SPAG9: variants seen among roughly 807,000 people sequenced by gnomAD.
SPAG9 encodes the protein sperm associated antigen 9.
In SPAG9, 35 loss-of-function variants were observed where a neutral mutation model predicts 166.5. That is an observed-to-expected ratio of 0.21 (90% CI 0.16 to 0.28). The LOEUF is 0.28. Ranked by LOEUF, SPAG9 falls within the 10% of genes least tolerant of loss-of-function variation. SPAG9 has a pLI of 1.00. For missense variants in SPAG9, 1,235 were observed against 1,603.3 expected (o/e 0.77, Z 3.92); for synonymous variants, 534 against 565.5 (o/e 0.94, Z 0.79).
At chr17:51,032,126 A>G (rs1431158196) in intron 5 of SPAG9, among the ~76,000 whole-genome samples, 1 of 152,204 alleles carries the variant, frequency 6.6e-6, no homozygotes, top group Non-Finnish European at 1.5e-5. Context: ...TAGTTAGATA[A>G]CACTAATGAT....
At chr17:51,116,039 C>T (rs2049278457) in intron 1 of SPAG9, among the ~76,000 whole-genome samples, 2 of 142,442 alleles carry the variant, frequency 1.4e-5, no homozygotes, top group African/African-American at 5.8e-5. Context: ...TCAGAAGTTT[C>T]TTTTTTTTTT....
At chr17:51,014,188 A>T (rs779100686) in intron 9 of SPAG9, 44 bp downstream of exon 9, 1 of 1,538,238 alleles carries the variant, frequency 6.5e-7, no homozygotes, top group South Asian at 1.2e-5. Context: ...TTAAAAAATC[A>T]ATTTTAAAAA....
chr17:51,040,459 T>A (rs911146284), intron 5 of SPAG9: 1 of 152,190 alleles, frequency 6.6e-6, no homozygotes, highest in African/African-American at 2.4e-5. Flanking sequence ...GTCAATAGAA[T>A]GATTCTGAAT....
At chr17:50,990,393 G>A in intron 20 of SPAG9, 57 bp downstream of exon 20, 3 of 1,211,852 alleles carry the variant, frequency 2.5e-6, no homozygotes, top group Non-Finnish European at 3.7e-6. Context: ...CCATAATGAG[G>A]CATCTGAGTG....
chr17:51,083,062 T>C (rs1228656394), intron 1 of SPAG9, among the ~76,000 whole-genome samples: 1 of 152,044 alleles, frequency 6.6e-6, no homozygotes, highest in East Asian at 1.9e-4. Context: ...GGCCTGAGAC[T>C]AAAGCCAATA....
At chr17:50,981,251 TTA>T (rs1230617489) in intron 25 of SPAG9, among the ~76,000 whole-genome samples, 5 of 152,142 alleles carry the variant, frequency 3.3e-5, no homozygotes, top group Non-Finnish European at 2.9e-5. Context: ...TAAATAAATT[TTA>T]TGTTTAGACT....
chr17:51,077,708 T>C (rs2048056866), intron 2 of SPAG9, among the ~76,000 whole-genome samples: 1 of 152,048 alleles, frequency 6.6e-6, no homozygotes, highest in South Asian at 2.1e-4. Flanking sequence ...TGGAGTGTAG[T>C]GGTGCAATCT....
intron 5 of SPAG9, among the ~76,000 whole-genome samples, chr17:51,035,208 A>G (rs766727083): frequency 2.6e-5 from 4 of 152,178 alleles, no homozygotes; most frequent in Non-Finnish European, 4.4e-5. Flanking sequence ...GGGAAAAAGG[A>G]TATTAGTGGA....
rs1256945705 is a variant in SPAG9 at position 50,965,827 on chromosome 17, A to AGT, written c.*443_*444dup. 1 of 162,700 alleles carries AGT rather than the reference A, an allele frequency of 6.1e-6. No homozygotes were observed. Among genetic ancestry groups the AGT allele is most frequent in the Non-Finnish European group, 1.4e-5 (1 of 73,154 alleles). 10.1% of individuals were successfully genotyped at this position (162,700 alleles called of 1,614,324 possible). On this transcript the variant is annotated 3_prime_UTR_variant, in exon 30 of 30. Transcript: ENST00000262013. ...ACATCCTGATAATCCATCTTGTATTAGTGTGTGTCAATTTTACAATACACT... is the reference window on the plus strand; with the variant it reads ...ACATCCTGATAATCCATCTTGTATTAGTGTGTGTGTCAATTTTACAATACACT...
At chr17:51,038,348 A>T (rs1358339212) in intron 5 of SPAG9, among the ~76,000 whole-genome samples, 2 of 152,224 alleles carry the variant, frequency 1.3e-5, no homozygotes, top group African/African-American at 4.8e-5. Flanking sequence ...CAAAAGCAGA[A>T]GAGAAACCAG....
Position 51,120,249 on chromosome 17 carries a change from C to T in SPAG9, c.303+105G>A, listed in dbSNP as rs976625019. The T allele has an allele frequency of 2.9e-4, 304 of 1,041,768 alleles. No individual in the cohort carries two copies. Among genetic ancestry groups the T allele is most frequent in the Non-Finnish European group, 3.9e-4 (293 of 760,048 alleles). The allele number at this position is 1,041,768 out of a possible 1,614,324, so 64.5% of individuals were successfully genotyped here. A position where few individuals can be genotyped will look rare whatever the true frequency, so the allele number is the denominator to read the frequency against. ...CAGGGGGCATCGGCCTCAGGCCCGC[C>T]CTCCAGGAGGCCCGTCGCGCCTCTA... On this transcript the variant is annotated intron_variant, in intron 1 of 29. Transcript: ENST00000262013. The surrounding 1 kb of genome is among the most constrained non-coding windows in gnomAD (Gnocchi z 4.7).
Position 50,977,196 on chromosome 17 carries a change from A to G in SPAG9, c.3435T>C (p.Phe1145=). The G allele has an allele frequency of 1.2e-6, 2 of 1,613,534 alleles. No individual in the cohort carries two copies. Among genetic ancestry groups the G allele is most frequent in the Non-Finnish European group, 1.7e-6 (2 of 1,179,588 alleles). Residue 1145 remains phenylalanine (F), a synonymous_variant, in exon 27 of 30, where the codon TTT becomes TTC. Coordinates refer to ENST00000262013, the MANE Select transcript of SPAG9 (RefSeq NM_001130528.3). The part of the protein sequence containing the change: ...MLGTGKLGFS[F]VRITALMVSC... ...ACACCATAAGAGCTGTAATTCTCAC[A>G]AAAGAGAAGCCCAGTTTTCCAGTAC... is the stretch of plus-strand genomic sequence containing the variant.
At chr17:51,036,930 A>G (rs1481786381) in intron 5 of SPAG9, among the ~76,000 whole-genome samples, 1 of 152,186 alleles carries the variant, frequency 6.6e-6, no homozygotes, top group Non-Finnish European at 1.5e-5. Flanking sequence ...AAATCTTAAT[A>G]CCTGGTAGAG....
intron 1 of SPAG9, among the ~76,000 whole-genome samples, chr17:51,088,234 A>T (rs2048352510): frequency 6.6e-6 from 1 of 152,224 alleles, no homozygotes. Flanking sequence ...TAGTTAAGCC[A>T]CACACCTATT....
intron 6 of SPAG9, among the ~76,000 whole-genome samples, chr17:51,026,802 G>A (rs1018506761): frequency 4.0e-5 from 6 of 150,124 alleles, no homozygotes; most frequent in African/African-American, 9.8e-5. Flanking sequence ...TCAGCCTCCC[G>A]AGTAGCTGGG....
At chr17:50,993,645 T>C (rs932260833) in intron 19 of SPAG9, 119 bp downstream of exon 19, 5 of 921,254 alleles carry the variant, frequency 5.4e-6, no homozygotes, top group African/African-American at 5.0e-5. Flanking sequence ...TAATCTTCCC[T>C]AACTAGAACA....
At position 50,974,889 on chromosome 17, in the gene SPAG9, A is replaced by G. The variant is rs1230367791; in HGVS notation, c.3582T>C (p.Gly1194=). The stretch of plus-strand genomic sequence containing the variant: ...GAGTCACTTTATCACTGTTTTCATC[A>G]CCATATACACGGATTACACTTCCAG... The part of the protein sequence containing the change: ...NRPGSVIRVY[G]DENSDKVTPG... The change falls in exon 28 of 30, where the codon GGT becomes GGC. Residue 1194 remains glycine, a synonymous_variant. Coordinates refer to ENST00000262013, the MANE Select transcript of SPAG9 (RefSeq NM_001130528.3). 1 of 1,612,716 alleles carries G rather than the reference A, an allele frequency of 6.2e-7. No individual in the cohort carries two copies.
At chr17:51,014,189 A>T in intron 9 of SPAG9, 43 bp downstream of exon 9, 1 of 1,543,042 alleles carries the variant, frequency 6.5e-7, no homozygotes, top group Non-Finnish European at 8.8e-7. Context: ...TAAAAAATCA[A>T]TTTTAAAAAC....
chr17:51,053,847 AAAAAAAAG>A (rs1199607172), intron 3 of SPAG9, among the ~76,000 whole-genome samples: 2 of 74,480 alleles, frequency 2.7e-5, no homozygotes, highest in African/African-American at 1.3e-4. Flanking sequence ...AAAAAAAAAA[AAAAAAAAG>A]TATATATATA....
Sources: allele counts gnomAD v4.1 joint callset (sites outside exome capture counted in the v4.1 genomes callset), GRCh38; gene constraint gnomAD v4.1.1; non-coding constraint Gnocchi (gnomAD v3.1); transcripts MANE v1.5; gene names NCBI Gene and HGNC (gene_info 2026-07-23, HGNC 2026-07-21).